The following KCNA2 variants were observed in gnomAD, a reference collection of about 807,000 sequenced individuals.
KCNA2 encodes the protein potassium channel, voltage gated shaker related subfamily A, member 2.
KCNA2 carries 11 observed loss-of-function variants against 33.4 expected under a neutral mutation model. That is an observed-to-expected ratio of 0.33 (90% CI 0.21 to 0.55). The LOEUF (loss-of-function observed/expected upper bound fraction) is 0.55. KCNA2 is among the 20% of genes least tolerant of loss of function. The pLI, the probability that KCNA2 is intolerant of heterozygous loss-of-function variation, is 0.93. For synonymous variants in KCNA2, 222 were observed against 231.3 expected (o/e 0.96, Z 0.37); for missense variants, 291 against 621.6 (o/e 0.47, Z 5.66).
chr1:110,606,991 C>T (rs1203638673), upstream of KCNA2: 1 of 153,014 alleles, frequency 6.5e-6, no homozygotes. Flanking sequence ...CCGTGCCCTC[C>T]GCCCCGCGCC....
At chr1:110,621,312 G>A (rs1650252295) in intron 1 of KCNA2, among the ~76,000 whole-genome samples, 2 of 152,216 alleles carry the variant, frequency 1.3e-5, no homozygotes, top group Admixed American at 6.5e-5. Context: ...TGTATATACA[G>A]CCTGATTATA....
intron 1 of KCNA2, among the ~76,000 whole-genome samples, chr1:110,631,104 T>C (rs1650546886): frequency 1.3e-5 from 2 of 152,172 alleles, no homozygotes. Context: ...CCCCTCACCC[T>C]AGAGTCACTT....
chr1:110,608,590 C>G, upstream of KCNA2, among the ~76,000 whole-genome samples: 1 of 152,150 alleles, frequency 6.6e-6, no homozygotes, highest in East Asian at 1.9e-4. Flanking sequence ...GGGAGCCTGC[C>G]TAGAGCTGCA....
chr1:110,613,183 G>T (rs1206046895), intron 1 of KCNA2, among the ~76,000 whole-genome samples: 1 of 152,128 alleles, frequency 6.6e-6, no homozygotes, highest in Non-Finnish European at 1.5e-5. Context: ...TCACTTCAAT[G>T]ACTTCTTCTG....
chr1:110,620,531 G>C (rs2101457390), intron 1 of KCNA2, among the ~76,000 whole-genome samples: 1 of 152,334 alleles, frequency 6.6e-6, no homozygotes, highest in Middle Eastern at 3.4e-3. Context: ...CAGAAGGCCA[G>C]AGAGGAGGGC....
chr1:110,625,808 CAA>C (rs1048130863), intron 1 of KCNA2, among the ~76,000 whole-genome samples: 1 of 152,160 alleles, frequency 6.6e-6, no homozygotes, highest in Non-Finnish European at 1.5e-5. Context: ...AGTCCACAGA[CAA>C]AGAAGTGCAT....
At chr1:110,620,263 G>T (rs1199486644) in intron 1 of KCNA2, among the ~76,000 whole-genome samples, 1 of 152,132 alleles carries the variant, frequency 6.6e-6, no homozygotes, top group Non-Finnish European at 1.5e-5. Flanking sequence ...GAGGCTCTCA[G>T]TGTAGACAGT....
At chr1:110,622,724 C>G (rs1484639973) in intron 1 of KCNA2, among the ~76,000 whole-genome samples, 1 of 152,130 alleles carries the variant, frequency 6.6e-6, no homozygotes, top group Middle Eastern at 3.4e-3. Flanking sequence ...GATTTAAAAA[C>G]CCCATTTACA....
chr1:110,604,802 A>C lies in KCNA2; in HGVS notation c.-20T>G. Reference sequence around the variant, plus strand: ...TGTCATAATTGGGACTGAGAGAAGCACCTCACGCTATGCCTTTCAGCTGCC... The same window carrying C: ...TGTCATAATTGGGACTGAGAGAAGCCCCTCACGCTATGCCTTTCAGCTGCC... On this transcript the variant is annotated 5_prime_UTR_variant, in exon 3 of 3. Transcript: ENST00000316361. This position sits in a 1 kb window ranked among gnomAD's most constrained non-coding sequence, Gnocchi z 7.6. The C allele has an allele frequency of 6.3e-7, 1 of 1,595,000 alleles. No individual in the cohort carries two copies. Among genetic ancestry groups the C allele is most frequent in the Non-Finnish European group, 8.5e-7 (1 of 1,170,232 alleles).
intron 1 of KCNA2, among the ~76,000 whole-genome samples, chr1:110,625,986 T>C (rs1650377761): frequency 6.6e-6 from 1 of 152,208 alleles, no homozygotes; most frequent in African/African-American, 2.4e-5. Context: ...GGCCCTCTCA[T>C]TCATATATTG....
At chr1:110,610,996 T>C (rs1388094091), upstream of KCNA2, among the ~76,000 whole-genome samples, 1 of 149,674 alleles carries the variant, frequency 6.7e-6, no homozygotes. Context: ...CCCCCTTGCT[T>C]CATAGGGCTT....
In KCNA2 at chr1:110,597,933, G is replaced by A; in HGVS notation, c.*5350C>T. ...AGGAAGAGAACCTTCCTGCATGTAG[G>A]GGAGCCCCTACCTCCATCTGTCCCT... On this transcript the variant is annotated 3_prime_UTR_variant, in exon 3 of 3. Coordinates refer to ENST00000316361, the MANE Select transcript of KCNA2 (RefSeq NM_004974.4). 1 of 985,410 alleles carries A rather than the reference G, an allele frequency of 1.0e-6. No individual in the cohort carries two copies. The highest frequency in any genetic ancestry group is 1.2e-6 in the Non-Finnish European group (1 of 829,926). The allele number at this position is 985,410 out of a possible 1,614,324, so 61.0% of individuals were successfully genotyped here.
At chr1:110,629,689 G>A (rs953553006) in intron 1 of KCNA2, among the ~76,000 whole-genome samples, 1 of 152,168 alleles carries the variant, frequency 6.6e-6, no homozygotes, top group Non-Finnish European at 1.5e-5. Flanking sequence ...TCTGACCCTC[G>A]GTGGATGACA....
chr1:110,596,188 A>G lies in KCNA2; in HGVS notation c.*7095T>C. On this transcript the variant is annotated 3_prime_UTR_variant, in exon 3 of 3. Coordinates refer to ENST00000316361, the MANE Select transcript of KCNA2 (RefSeq NM_004974.4). ...AAAAAAGAGTAGAACTGGAGAGGTG[A>G]AAAGAATGCAAAGGAGGTCATTCAA... is the stretch of plus-strand genomic sequence containing the variant. 1 of 985,308 alleles carries G rather than the reference A, an allele frequency of 1.0e-6. No individual in the cohort carries two copies. The highest frequency in any genetic ancestry group is 1.2e-6 in the Non-Finnish European group (1 of 829,834). The allele number at this position is 985,308 out of a possible 1,614,324, so 61.0% of individuals were successfully genotyped here. A position where few individuals can be genotyped will look rare whatever the true frequency, so the allele number is the denominator to read the frequency against.
rs1027267756 is a variant in KCNA2 at position 110,600,270 on chromosome 1, C to T, written c.*3013G>A. On this transcript the variant is annotated 3_prime_UTR_variant, in exon 3 of 3. Transcript: ENST00000316361. The stretch of plus-strand genomic sequence containing the variant: ...GTATGCCTATTATAAGTTAATGCAT[C>T]GTGTGTATATACTGAGTTTGTGTGT... 6 of 981,596 alleles carry T rather than the reference C, an allele frequency of 6.1e-6. No individual in the cohort carries two copies. Among genetic ancestry groups the T allele is most frequent in the South Asian group, 4.8e-5 (1 of 21,008 alleles). The allele number at this position is 981,596 out of a possible 1,614,324, so 60.8% of individuals were successfully genotyped here.
chr1:110,616,736 G>C (rs960761139), intron 1 of KCNA2, among the ~76,000 whole-genome samples: 2 of 152,242 alleles, frequency 1.3e-5, no homozygotes, highest in Non-Finnish European at 2.9e-5. Flanking sequence ...GGGTGCAAAA[G>C]GCAGGAGCTG....
Position 110,602,737 on chromosome 1 carries a change from T to G in KCNA2, c.*546A>C, listed in dbSNP as rs1046878054. 3 of 992,250 alleles carry G rather than the reference T, an allele frequency of 3.0e-6. No individual in the cohort carries two copies. The African/African-American group carries it at 5.2e-5, about 17-fold the overall frequency. 61.5% of individuals were successfully genotyped at this position (992,250 alleles called of 1,614,324 possible). On this transcript the variant is annotated 3_prime_UTR_variant, in exon 3 of 3. Transcript: ENST00000316361. The stretch of plus-strand genomic sequence containing the variant: ...AAACACAAGCCTCCAGAGCATCTAC[T>G]TGGCAACTGCAATTCACAAACTCCA...
Position 110,593,766 on chromosome 1 carries a change from T to C in KCNA2, c.*9517A>G. On this transcript the variant is annotated 3_prime_UTR_variant, in exon 3 of 3. Coordinates refer to ENST00000316361, the MANE Select transcript of KCNA2 (RefSeq NM_004974.4). ...GTTCATTGAGGCACATATGTACACA[T>C]ATATGTATAACCTATGTACAAATAT... The C allele has an allele frequency of 8.7e-7, 1 of 1,145,656 alleles. No individual in the cohort carries two copies. Among genetic ancestry groups the C allele is most frequent in the Admixed American group, 2.3e-5 (1 of 43,042 alleles). 71.0% of individuals were successfully genotyped at this position (1,145,656 alleles called of 1,614,324 possible).
intron 1 of KCNA2, among the ~76,000 whole-genome samples, chr1:110,626,455 A>G (rs1557741438): frequency 6.6e-6 from 1 of 152,212 alleles, no homozygotes; most frequent in Non-Finnish European, 1.5e-5. Context: ...AACGATACAC[A>G]AGAAATGAAT....
Sources: allele counts gnomAD v4.1 joint callset (sites outside exome capture counted in the v4.1 genomes callset), GRCh38; gene constraint gnomAD v4.1.1; non-coding constraint Gnocchi (gnomAD v3.1); transcripts MANE v1.5; gene names NCBI Gene and HGNC (gene_info 2026-07-23, HGNC 2026-07-21).